Variants in KIRREL3 observed in about 807,000 individuals in gnomAD.
The protein encoded by KIRREL3 is kirre like nephrin family adhesion molecule 3.
In KIRREL3, 36 loss-of-function variants were observed where a neutral mutation model predicts 89.7. The ratio of observed to expected loss-of-function variants is 0.40; its 90% CI spans 0.31 to 0.53. The LOEUF is 0.53. KIRREL3 is among the 20% of genes least tolerant of loss of function. The pLI is 0.49. For synonymous variants in KIRREL3, 445 were observed against 441.4 expected, an observed-to-expected ratio of 1.01 and a Z score of -0.10; for missense variants, 864 against 1,056.6, an observed-to-expected ratio of 0.82 and a Z score of 2.53.
At position 126,761,464 on chromosome 11, in the gene KIRREL3, C is replaced by T. The variant is rs1949664885; in HGVS notation, c.56-198552G>A. On this transcript the variant is annotated intron_variant, in intron 1 of 16. Coordinates refer to ENST00000525144, the MANE Select transcript of KIRREL3 (RefSeq NM_032531.4). This position sits in a 1 kb window ranked among gnomAD's most constrained non-coding sequence, Gnocchi z 4.4. The stretch of plus-strand genomic sequence containing the variant: ...TCACTGAGGAGGAGCAAGACAACCC[C>T]AGTCCCAGCCCTGCTCCTTTCTCTT... 6.6e-6 allele frequency among the ~76,000 whole-genome samples: 1 copy of T among 152,216 alleles called. No homozygotes were observed. The highest frequency in any genetic ancestry group is 1.5e-5 in the Non-Finnish European group (1 of 68,040).
At position 126,870,110 on chromosome 11, in the gene KIRREL3, G is replaced by A. The variant is rs538253032; in HGVS notation, c.55+130345C>T. Among the ~76,000 whole-genome samples the A allele has an allele frequency of 2.6e-4, 39 of 152,342 alleles. 1 individual carries two copies. Among genetic ancestry groups the A allele is most frequent in the African/African-American group, 8.7e-4 (36 of 41,576 alleles). Reference sequence around the variant, plus strand: ...CACTTCCTTTGAATCAGGGGCCCATGAGCACTGTGATTAATGACCAGGAGT... The same window carrying A: ...CACTTCCTTTGAATCAGGGGCCCATAAGCACTGTGATTAATGACCAGGAGT... On this transcript the variant is annotated intron_variant, in intron 1 of 16. Transcript: ENST00000525144. This position sits in a 1 kb window ranked among gnomAD's most constrained non-coding sequence, Gnocchi z 4.4.
In KIRREL3 at chr11:126,710,601, T is replaced by C. The variant is rs1947718836; in HGVS notation, c.56-147689A>G. 6.6e-6 allele frequency among the ~76,000 whole-genome samples: 1 copy of C among 152,178 alleles called. No individual in the cohort carries two copies. The highest frequency in any genetic ancestry group is 2.4e-5 in the African/African-American group (1 of 41,442). On this transcript the variant is annotated intron_variant, in intron 1 of 16. Transcript: ENST00000525144. This position sits in a 1 kb window ranked among gnomAD's most constrained non-coding sequence, Gnocchi z 4.2. ...GAATAACCATCACCCCCATATCTAC[T>C]AGGGCAGGCACCCCTTCTCTGTCCT...
At position 126,607,924 on chromosome 11, in the gene KIRREL3, C is replaced by T. The variant is rs748712360; in HGVS notation, c.56-45012G>A. Among the ~76,000 whole-genome samples the T allele has an allele frequency of 3.9e-5, 6 of 152,174 alleles. No homozygotes were observed. Among genetic ancestry groups the T allele is most frequent in the Non-Finnish European group, 8.8e-5 (6 of 68,036 alleles). On this transcript the variant is annotated intron_variant, in intron 1 of 16. Coordinates refer to ENST00000525144, the MANE Select transcript of KIRREL3 (RefSeq NM_032531.4). The surrounding 1 kb of genome is among the most constrained non-coding windows in gnomAD (Gnocchi z 6.6). Reference sequence around the variant, plus strand: ...GCTGCAAGTCTGGGGAAAAGGGATCCACCCAGGCACTAGGGCAACTGCTCA... The same window carrying T: ...GCTGCAAGTCTGGGGAAAAGGGATCTACCCAGGCACTAGGGCAACTGCTCA...
chr11:126,862,770 T>G lies in KIRREL3; in HGVS notation c.55+137685A>C, dbSNP rs78148717. Reference sequence around the variant, plus strand: ...GGTCCTTTCCAGTTCTGGCATTCTATGAGCTGAGAGACAGAACAGCCACAG... The same window carrying G: ...GGTCCTTTCCAGTTCTGGCATTCTAGGAGCTGAGAGACAGAACAGCCACAG... On this transcript the variant is annotated intron_variant, in intron 1 of 16. Transcript: ENST00000525144. Among the ~76,000 whole-genome samples the G allele has an allele frequency of 5.9e-5, 9 of 152,192 alleles. No individual in the cohort carries two copies. In the East Asian group the frequency reaches 1.7e-3, roughly 29 times the overall value.
At chr11:126,603,236 T>C (rs1431466658) in intron 1 of KIRREL3, among the ~76,000 whole-genome samples, 1 of 152,188 alleles carries the variant, frequency 6.6e-6, no homozygotes, top group African/African-American at 2.4e-5. Flanking sequence ...AAACAATAAA[T>C]TCCCATTGAA....
At chr11:126,678,744 G>T (rs1017925027) in intron 1 of KIRREL3, among the ~76,000 whole-genome samples, 1 of 151,996 alleles carries the variant, frequency 6.6e-6, no homozygotes, top group African/African-American at 2.4e-5. Flanking sequence ...TATGTCCACT[G>T]CCCAGTCTCA....
At chr11:126,986,292 G>T (rs1949865530) in intron 1 of KIRREL3, among the ~76,000 whole-genome samples, 1 of 152,016 alleles carries the variant, frequency 6.6e-6, no homozygotes, top group South Asian at 2.1e-4. Context: ...ATGACAATAA[G>T]CAGCTAGCAG....
chr11:126,730,246 C>A (rs1243229351), intron 1 of KIRREL3, among the ~76,000 whole-genome samples: 2 of 152,226 alleles, frequency 1.3e-5, no homozygotes, highest in Admixed American at 1.3e-4. Flanking sequence ...CACATGGGGG[C>A]CCACAGGCCC....
intron 1 of KIRREL3, among the ~76,000 whole-genome samples, chr11:126,678,135 A>C (rs1250871208): frequency 6.6e-6 from 1 of 152,190 alleles, no homozygotes; most frequent in Non-Finnish European, 1.5e-5. Context: ...TTCACTAGTG[A>C]AGCTGAAAAC....
rs145281720 is a variant in KIRREL3 at position 126,534,649 on chromosome 11, G to A, written c.134-7962C>T. Among the ~76,000 whole-genome samples, 433 of 152,296 alleles carry A rather than the reference G, an allele frequency of 2.8e-3. 3 individuals carry two copies. Among genetic ancestry groups the A allele is most frequent in the African/African-American group, 9.5e-3 (394 of 41,564 alleles). ...CCTGCAGGGGCCGAGAGAGCACTGCGCCATCTGTCCCGGGGGCCCTTTAGA... is the reference window on the plus strand; with the variant it reads ...CCTGCAGGGGCCGAGAGAGCACTGCACCATCTGTCCCGGGGGCCCTTTAGA... On this transcript the variant is annotated intron_variant, in intron 2 of 16. Transcript: ENST00000525144.
intron 1 of KIRREL3, among the ~76,000 whole-genome samples, chr11:126,831,423 A>C (rs11500902): frequency 1.7e-3 from 126 of 73,834 alleles, no homozygotes; most frequent in South Asian, 5.7e-3. Flanking sequence ...GTCTCTCTCT[A>C]TCTCTCTCTC....
At position 126,563,483 on chromosome 11, in the gene KIRREL3, C is replaced by T. The variant is rs960998893; in HGVS notation, c.56-571G>A. Reference sequence around the variant, plus strand: ...GTATAGGCAGAAGAGCTCTCTCTACCTTTTGGAGAGGGTGCGTTTCTGGTG... The same window carrying T: ...GTATAGGCAGAAGAGCTCTCTCTACTTTTTGGAGAGGGTGCGTTTCTGGTG... On this transcript the variant is annotated intron_variant, in intron 1 of 16. Coordinates refer to ENST00000525144, the MANE Select transcript of KIRREL3 (RefSeq NM_032531.4). This position sits in a 1 kb window ranked among gnomAD's most constrained non-coding sequence, Gnocchi z 6.8. Among the ~76,000 whole-genome samples, 13 of 152,162 alleles carry T rather than the reference C, an allele frequency of 8.5e-5. No homozygotes were observed. Among genetic ancestry groups the T allele is most frequent in the Non-Finnish European group, 1.3e-4 (9 of 68,036 alleles).
Position 126,739,705 on chromosome 11 carries a change from T to C in KIRREL3, c.56-176793A>G, listed in dbSNP as rs1948916714. 6.6e-6 allele frequency among the ~76,000 whole-genome samples: 1 copy of C among 152,196 alleles called. No individual in the cohort carries two copies. Among genetic ancestry groups the C allele is most frequent in the African/African-American group, 2.4e-5 (1 of 41,446 alleles). On this transcript the variant is annotated intron_variant, in intron 1 of 16. Coordinates refer to ENST00000525144, the MANE Select transcript of KIRREL3 (RefSeq NM_032531.4). This position sits in a 1 kb window ranked among gnomAD's most constrained non-coding sequence, Gnocchi z 5.5. ...TGCAGGCAAACCAGCCCACAAGGGA[T>C]GCTCTGGTCACTGGTGCAGATGATG...
rs1259649720 is a variant in KIRREL3 at position 126,702,317 on chromosome 11, C to A, written c.56-139405G>T. Among the ~76,000 whole-genome samples, 4 of 152,148 alleles carry A rather than the reference C, an allele frequency of 2.6e-5. No individual in the cohort carries two copies. In the East Asian group the frequency reaches 7.7e-4, roughly 29 times the overall value. ...GTACTGAAAAACAAATGAAAGAAAG[C>A]AATCTTTCCTTGAAAAATGCACAGA... On this transcript the variant is annotated intron_variant, in intron 1 of 16. Coordinates refer to ENST00000525144, the MANE Select transcript of KIRREL3 (RefSeq NM_032531.4).
At chr11:126,542,682 A>T (rs1279199863) in intron 2 of KIRREL3, among the ~76,000 whole-genome samples, 1 of 152,054 alleles carries the variant, frequency 6.6e-6, no homozygotes, top group Non-Finnish European at 1.5e-5. Flanking sequence ...AGGGAGGGGG[A>T]TATTAACAGA....
intron 1 of KIRREL3, among the ~76,000 whole-genome samples, chr11:126,956,951 G>C (rs1948939490): frequency 6.6e-6 from 1 of 152,156 alleles, no homozygotes; most frequent in South Asian, 2.1e-4. Context: ...TTGCACTCGT[G>C]TGCACGCCTC....
rs1949197477 is a variant in KIRREL3 at position 126,747,657 on chromosome 11, C to G, written c.56-184745G>C. ...CTGAGAGCGCATCTCCCTTGAGTTC[C>G]TTGAGACTAGAAACGGTTTTATTTA... On this transcript the variant is annotated intron_variant, in intron 1 of 16. Coordinates refer to ENST00000525144, the MANE Select transcript of KIRREL3 (RefSeq NM_032531.4). This position sits in a 1 kb window ranked among gnomAD's most constrained non-coding sequence, Gnocchi z 4.7. 6.6e-6 allele frequency among the ~76,000 whole-genome samples: 1 copy of G among 152,110 alleles called. No homozygotes were observed. Among genetic ancestry groups the G allele is most frequent in the African/African-American group, 2.4e-5 (1 of 41,412 alleles).
intron 1 of KIRREL3, among the ~76,000 whole-genome samples, chr11:126,803,199 A>G (rs1951095264): frequency 6.6e-6 from 1 of 152,140 alleles, no homozygotes; most frequent in Non-Finnish European, 1.5e-5. Flanking sequence ...GGCTCAGGGG[A>G]CTTCATAAGA....
chr11:126,748,396 C>G lies in KIRREL3; in HGVS notation c.56-185484G>C, dbSNP rs1407586870. Among the ~76,000 whole-genome samples the G allele has an allele frequency of 6.6e-6, 1 of 152,234 alleles. No individual in the cohort carries two copies. The highest frequency in any genetic ancestry group is 1.5e-5 in the Non-Finnish European group (1 of 68,036). On this transcript the variant is annotated intron_variant, in intron 1 of 16. Coordinates refer to ENST00000525144, the MANE Select transcript of KIRREL3 (RefSeq NM_032531.4). The surrounding 1 kb of genome is among the most constrained non-coding windows in gnomAD (Gnocchi z 4.6). ...TTAAACAATAATCTTGCCATTGCATCTGCAAAACCCCAGACTCAGGCCCCA... is the reference window on the plus strand; with the variant it reads ...TTAAACAATAATCTTGCCATTGCATGTGCAAAACCCCAGACTCAGGCCCCA...
Sources: gnomAD v4.1 joint callset for allele counts (sites outside exome capture counted in the v4.1 genomes callset) on GRCh38, gnomAD v4.1.1 for gene constraint, Gnocchi (gnomAD v3.1) non-coding constraint, MANE v1.5 for transcripts, NCBI Gene and HGNC (gene_info 2026-07-23, HGNC 2026-07-21) for gene names.